The following TRAPPC8 variants were observed in gnomAD, a reference collection of about 807,000 sequenced individuals.
The protein encoded by TRAPPC8 is general sporulation gene 1 homolog.
In TRAPPC8, 54 loss-of-function variants were observed where a neutral mutation model predicts 174.3. The ratio of observed to expected loss-of-function variants is 0.31; its 90% CI spans 0.25 to 0.39. TRAPPC8 has a LOEUF of 0.39. TRAPPC8 is among the 10% of genes least tolerant of loss of function. The pLI is 1.00. For synonymous variants in TRAPPC8, 630 were observed against 579.9 expected (o/e 1.09, Z -1.24); for missense variants, 1,531 against 1,699.1 (o/e 0.90, Z 1.74).
intron 20 of TRAPPC8, among the ~76,000 whole-genome samples, chr18:31,856,461 TAAGTGAG>T (rs2034020218): frequency 1.3e-4 from 3 of 22,926 alleles, no homozygotes; most frequent in African/African-American, 6.0e-4. Flanking sequence ...TAAGTGATCT[TAAGTGAG>T]GCCCACCTCA....
intron 1 of TRAPPC8, among the ~76,000 whole-genome samples, chr18:31,932,444 C>A (rs1044888290): frequency 1.0e-4 from 15 of 150,478 alleles, no homozygotes; most frequent in African/African-American, 3.4e-4. Flanking sequence ...AAAAAAACAA[C>A]AACAACAACA....
intron 2 of TRAPPC8, among the ~76,000 whole-genome samples, chr18:31,921,507 C>T (rs924890281): frequency 2.0e-5 from 3 of 151,562 alleles, no homozygotes; most frequent in Admixed American, 1.3e-4. Context: ...ATCCCAGCTA[C>T]TCGGAGGCTG....
intron 21 of TRAPPC8, among the ~76,000 whole-genome samples, 172 bp downstream of exon 21, chr18:31,855,488 A>T (rs955676116): frequency 2.6e-5 from 4 of 152,224 alleles, no homozygotes; most frequent in African/African-American, 9.6e-5. Flanking sequence ...AGACTAAGGG[A>T]TAAAATCACA....
At chr18:31,941,549 T>C (rs1456712367) in intron 1 of TRAPPC8, among the ~76,000 whole-genome samples, 1 of 152,200 alleles carries the variant, frequency 6.6e-6, no homozygotes, top group Admixed American at 6.5e-5. Flanking sequence ...CGATACAGGC[T>C]AAAGAAAATC....
In TRAPPC8 at chr18:31,852,660, G is replaced by A. The variant is rs779469336; in HGVS notation, c.3437C>T (p.Thr1146Ile). Residue 1146 changes from threonine to isoleucine, a missense_variant, in exon 23 of 29, where the codon ACC (threonine) becomes ATC (isoleucine). Transcript: ENST00000283351. ...TCCCTTCTCCCTACTGGCAAGTTTG[G>A]TATCTAGGAAGAAAAAGGGAAATTT... ...KSVNLSENKD[T>I]KLASREKGKF... 1.7e-5 allele frequency: 27 copies of A among 1,613,172 alleles called. No individual in the cohort carries two copies. Among genetic ancestry groups the A allele is most frequent in the African/African-American group, 2.7e-5 (2 of 74,856 alleles).
At chr18:31,890,905 A>G (rs746158691) in intron 11 of TRAPPC8, 39 bp from the exon 12 acceptor site, 35 of 1,560,800 alleles carry the variant, frequency 2.2e-5, no homozygotes, top group Non-Finnish European at 2.9e-5. Context: ...TAGTTTCACC[A>G]AGTTAAAAGT....
Position 31,857,983 on chromosome 18 carries a change from C to T in TRAPPC8, c.2746-1G>A. 1.3e-6 allele frequency: 2 copies of T among 1,590,812 alleles called. No individual in the cohort carries two copies. The highest frequency in any genetic ancestry group is 1.7e-6 in the Non-Finnish European group (2 of 1,169,106). ...CTGTAGGAAAATGTATAAAGAACAC[C>T]TGCATTGGAGGGAAAAAATATTATT... is the stretch of plus-strand genomic sequence containing the variant. On this transcript the variant is annotated splice_acceptor_variant, in intron 19 of 28. Coordinates refer to ENST00000283351, the MANE Select transcript of TRAPPC8 (RefSeq NM_014939.5). LOFTEE classifies it high-confidence loss of function.
intron 1 of TRAPPC8, among the ~76,000 whole-genome samples, chr18:31,936,865 G>A (rs933938153): frequency 7.4e-6 from 1 of 134,822 alleles, no homozygotes; most frequent in African/African-American, 2.9e-5. Flanking sequence ...TTGTGCGACG[G>A]CACTGCAGTC....
chr18:31,922,534 T>G (rs1354814567), intron 2 of TRAPPC8, among the ~76,000 whole-genome samples: 2 of 152,074 alleles, frequency 1.3e-5, no homozygotes, highest in Non-Finnish European at 2.9e-5. Context: ...AAAGCTGCAG[T>G]GAGCCAAGAT....
rs1445908777 is a variant in TRAPPC8, at chr18:31,846,760, G to T, written c.3793C>A (p.Leu1265Ile). ...AAGGCTTCTTTTCCTATAGTGCGAA[G>T]AATAACATGATGTTGACCTTCCAAA... Reference protein sequence around the residue: ...LILEGQHHVILRTIGKEAFSY... With the variant: ...LILEGQHHVIIRTIGKEAFSY... Residue 1265 changes from leucine to isoleucine, a missense_variant, in exon 26 of 29, where the codon CTT becomes ATT. Leu to Ile is a conservative substitution (Grantham distance 5). Transcript: ENST00000283351. The T allele has an allele frequency of 1.2e-5, 19 of 1,613,048 alleles. No individual in the cohort carries two copies. The highest frequency in any genetic ancestry group is 1.2e-5 in the Non-Finnish European group (14 of 1,179,296).
chr18:31,882,178 A>T (rs1367809418), intron 12 of TRAPPC8, among the ~76,000 whole-genome samples: 2 of 152,224 alleles, frequency 1.3e-5, no homozygotes, highest in African/African-American at 4.8e-5. Context: ...CACTATTCAC[A>T]GTAGTAAAAA....
At chr18:31,908,256 C>T (rs765574589) in intron 8 of TRAPPC8, 47 bp downstream of exon 8, 3 of 1,190,728 alleles carry the variant, frequency 2.5e-6, no homozygotes. Flanking sequence ...AAACACTAGT[C>T]AGAGAGTTAA....
chr18:31,893,862 TAC>T (rs562007322), intron 11 of TRAPPC8, among the ~76,000 whole-genome samples: 10 of 152,016 alleles, frequency 6.6e-5, no homozygotes, highest in African/African-American at 1.9e-4. Flanking sequence ...TAAAATAATA[TAC>T]ACACACACAC....
intron 27 of TRAPPC8, among the ~76,000 whole-genome samples, chr18:31,834,108 TTGTTG>T (rs1333736949): frequency 1.3e-5 from 2 of 151,484 alleles, no homozygotes; most frequent in South Asian, 2.1e-4. Context: ...GTTGTTGTTG[TTGTTG>T]TTTTTTATTC....
chr18:31,896,964 TAAAGCTCAAGG>T, intron 11 of TRAPPC8, among the ~76,000 whole-genome samples: 1 of 152,094 alleles, frequency 6.6e-6, no homozygotes, highest in East Asian at 1.9e-4. Context: ...CATACAAATC[TAAAGCTCAAGG>T]AAAGGTCAGG....
chr18:31,915,962 CAGG>C (rs1421507305), intron 4 of TRAPPC8, among the ~76,000 whole-genome samples: 1 of 147,076 alleles, frequency 6.8e-6, no homozygotes, highest in Non-Finnish European at 1.5e-5. Flanking sequence ...GAGGCTGAGG[CAGG>C]AGAATTGCTT....
In TRAPPC8 at chr18:31,832,100, G is replaced by A. The variant is rs1256058812; in HGVS notation, c.4057C>T (p.Arg1353Trp). The A allele has an allele frequency of 6.5e-7, 1 of 1,545,500 alleles. No individual in the cohort carries two copies. The highest frequency in any genetic ancestry group is 8.7e-7 in the Non-Finnish European group (1 of 1,154,698). Reference protein sequence around the residue: ...KADVDVIVDLRHKTTSPEALE... With the variant: ...KADVDVIVDLWHKTTSPEALE... ...AATCTTTACCTTGTTGTTTTATGCCGAAGATCAACTATGACATCTACATCA... is the reference window on the plus strand; with the variant it reads ...AATCTTTACCTTGTTGTTTTATGCCAAAGATCAACTATGACATCTACATCA... Residue 1353 changes from arginine to tryptophan, a missense_variant, in exon 28 of 29, where the codon CGG (arginine) becomes TGG (tryptophan). Transcript: ENST00000283351.
At chr18:31,923,673 T>C (rs937919935) in intron 2 of TRAPPC8, among the ~76,000 whole-genome samples, 2 of 151,552 alleles carry the variant, frequency 1.3e-5, no homozygotes, top group African/African-American at 4.9e-5. Context: ...CTTCATCGTA[T>C]CTCATTCTCA....
At chr18:31,846,579 A>C (rs1429460679) in intron 26 of TRAPPC8, 137 bp downstream of exon 26, 1 of 695,384 alleles carries the variant, frequency 1.4e-6, no homozygotes. Context: ...CAGTCTCAAA[A>C]CAACAACAAA....
Sources: allele counts gnomAD v4.1 joint callset (sites outside exome capture counted in the v4.1 genomes callset), GRCh38; gene constraint gnomAD v4.1.1; transcripts MANE v1.5; gene names NCBI Gene and HGNC (gene_info 2026-07-23, HGNC 2026-07-21).